ICE1: variants seen among roughly 807,000 people sequenced by gnomAD.
ICE1 encodes the protein little elongation complex subunit 1.
A neutral mutation model predicts 192.7 loss-of-function variants in ICE1; 64 were observed. The observed-to-expected ratio is 0.33, with a 90% confidence interval of 0.27 to 0.41. The LOEUF is 0.41. Among genes scored for constraint, ICE1 ranks in the 10% least tolerant of loss-of-function variants. ICE1 has a pLI of 1.00. For synonymous variants in ICE1, 1,010 were observed against 984.5 expected (o/e 1.03, Z -0.49); for missense variants, 2,708 against 2,696.0 (o/e 1.00, Z -0.10).
At chr5:5,446,700 T>TA (rs921349117) in intron 7 of ICE1, among the ~76,000 whole-genome samples, 41 of 152,196 alleles carry the variant, frequency 2.7e-4, no homozygotes, top group African/African-American at 8.2e-4. Flanking sequence ...GTTTTTCTAG[T>TA]AAAAAAAATT....
chr5:5,468,972 T>C lies in ICE1; in HGVS notation c.6206T>C (p.Phe2069Ser). The C allele has an allele frequency of 6.6e-7, 1 of 1,512,498 alleles. No homozygotes were observed. The highest frequency in any genetic ancestry group is 8.8e-7 in the Non-Finnish European group (1 of 1,133,950). The allele number at this position is 1,512,498 out of a possible 1,614,324, so 93.7% of individuals were successfully genotyped here. A position where few individuals can be genotyped will look rare whatever the true frequency, so the allele number is the denominator to read the frequency against. ...KGEVLNCLRA[F>S]LNWEKNAPVD... is the part of the protein sequence containing the mutation. ...GAGGTTCTGAACTGCTTGAGAGCTT[T>C]TCTTAATTGGGAAAAGGTGAGCCAT... Residue 2069 changes from phenylalanine (F) to serine (S), a missense_variant, in exon 15 of 19, where the codon TTT becomes TCT. Around this residue, in one of 2 missense-constraint regions of ICE1, gnomAD observed 342 missense variants for 419.3 expected, o/e 0.82. Coordinates refer to ENST00000296564, the MANE Select transcript of ICE1 (RefSeq NM_015325.3).
intron 17 of ICE1, among the ~76,000 whole-genome samples, chr5:5,478,259 AAGT>A (rs1473019297): frequency 6.6e-6 from 1 of 152,234 alleles, no homozygotes; most frequent in African/African-American, 2.4e-5. Flanking sequence ...AGCTTCAGCA[AAGT>A]CTCAGGATAC....
intron 10 of ICE1, 41 bp from the exon 11 acceptor site, chr5:5,454,510 GA>G: frequency 7.0e-7 from 1 of 1,424,430 alleles, no homozygotes. Flanking sequence ...TGTGTACGGT[GA>G]GCCAAATGAC....
chr5:5,489,011 G>A, intron 18 of ICE1, 138 bp from the exon 19 acceptor site: 1 of 742,064 alleles, frequency 1.3e-6, no homozygotes, highest in East Asian at 2.8e-5. Context: ...TTTTTTTACT[G>A]TGGGTTTTTT....
intron 17 of ICE1, among the ~76,000 whole-genome samples, chr5:5,480,951 A>G (rs554660101): frequency 2.0e-5 from 3 of 152,312 alleles, no homozygotes; most frequent in East Asian, 3.9e-4. Context: ...TACAGGTTCA[A>G]AACTGTTTTG....
intron 10 of ICE1, 79 bp downstream of exon 10, chr5:5,447,976 T>TCAAA: frequency 8.7e-7 from 1 of 1,148,830 alleles, no homozygotes; most frequent in Non-Finnish European, 1.3e-6. Context: ...CTCCTACATA[T>TCAAA]AATTGTGAAA....
At chr5:5,487,421 C>T (rs1739664967) in intron 18 of ICE1, among the ~76,000 whole-genome samples, 1 of 152,124 alleles carries the variant, frequency 6.6e-6, no homozygotes, top group African/African-American at 2.4e-5. Flanking sequence ...AGGAATAATA[C>T]AGTTAAGCAA....
In ICE1 at chr5:5,463,885, T is replaced by A; in HGVS notation, c.4551T>A (p.Pro1517=). ...KSRLRNRPVK[P]SIWISSQIYD... ...GTTTGCGAAATAGACCCGTTAAGCCTAGTATATGGATTAGTTCTCAAATCT... is the reference window on the plus strand; with the variant it reads ...GTTTGCGAAATAGACCCGTTAAGCCAAGTATATGGATTAGTTCTCAAATCT... The change falls in exon 13 of 19, where the codon CCT becomes CCA. Residue 1517 remains proline, a synonymous_variant. Coordinates refer to ENST00000296564, the MANE Select transcript of ICE1 (RefSeq NM_015325.3). The A allele has an allele frequency of 1.2e-6, 2 of 1,613,890 alleles. No individual in the cohort carries two copies. The highest frequency in any genetic ancestry group is 8.5e-7 in the Non-Finnish European group (1 of 1,179,792).
At position 5,466,239 on chromosome 5, in the gene ICE1, A is replaced by G. The variant is rs541235062; in HGVS notation, c.5893-95A>G. ...ATGTAGCGCAAGTTTTATTTTTTCA[A>G]TAGATACTTAAGTTTTGTAACTTTT... On this transcript the variant is annotated intron_variant, in intron 13 of 18. Transcript: ENST00000296564. 13 of 1,130,322 alleles carry G rather than the reference A, an allele frequency of 1.2e-5. No individual in the cohort carries two copies. In the South Asian group the frequency reaches 1.5e-4, roughly 13 times the overall value. 70.0% of individuals were successfully genotyped at this position (1,130,322 alleles called of 1,614,324 possible).
At chr5:5,460,315 C>A in intron 12 of ICE1, 121 bp from the exon 13 acceptor site, 2 of 740,042 alleles carry the variant, frequency 2.7e-6, no homozygotes, top group Non-Finnish European at 4.3e-6. Flanking sequence ...CCTGCCCCTG[C>A]TCAAACGTGA....
chr5:5,447,293 T>G, intron 7 of ICE1, 134 bp from the exon 8 acceptor site: 1 of 644,188 alleles, frequency 1.6e-6, no homozygotes, highest in Non-Finnish European at 2.7e-6. Flanking sequence ...AGCAATGGCT[T>G]TTTACGAAAT....
chr5:5,425,128 A>G (rs1737482898), intron 1 of ICE1, among the ~76,000 whole-genome samples: 1 of 152,182 alleles, frequency 6.6e-6, no homozygotes, highest in African/African-American at 2.4e-5. Context: ...CCAGTTTATC[A>G]GATTGTGTCC....
chr5:5,442,039 G>A (rs573789690), intron 5 of ICE1, among the ~76,000 whole-genome samples: 57 of 152,188 alleles, frequency 3.7e-4, no homozygotes, highest in Non-Finnish European at 5.4e-4. Flanking sequence ...ATGAAAATAC[G>A]TATGTCTTTT....
intron 1 of ICE1, among the ~76,000 whole-genome samples, chr5:5,428,451 T>C (rs1239388424): frequency 6.6e-6 from 1 of 152,204 alleles, no homozygotes; most frequent in Non-Finnish European, 1.5e-5. Context: ...ATGTGAGTAG[T>C]GTGATTTTTA....
At chr5:5,432,929 A>G (rs1737764018) in intron 1 of ICE1, among the ~76,000 whole-genome samples, 2 of 152,140 alleles carry the variant, frequency 1.3e-5, no homozygotes, top group Admixed American at 6.5e-5. Flanking sequence ...AGTCCTTGCA[A>G]AGAGCGAGTA....
intron 1 of ICE1, among the ~76,000 whole-genome samples, chr5:5,431,760 A>T (rs1173378440): frequency 6.6e-6 from 1 of 151,948 alleles, no homozygotes. Context: ...TTTGAATCCT[A>T]TTGAAGTCCA....
chr5:5,472,571 C>T (rs1739191117), intron 15 of ICE1, among the ~76,000 whole-genome samples: 1 of 152,174 alleles, frequency 6.6e-6, no homozygotes, highest in South Asian at 2.1e-4. Flanking sequence ...ATTTACCATT[C>T]TGGCTGAGTT....
chr5:5,465,589 C>T (rs1192811632), intron 13 of ICE1, among the ~76,000 whole-genome samples: 1 of 152,012 alleles, frequency 6.6e-6, no homozygotes, highest in Non-Finnish European at 1.5e-5. Flanking sequence ...TGTTACAAAT[C>T]AAACAGGAGC....
rs1367396152 is a variant in ICE1, at chr5:5,462,112, A to G, written c.2778A>G (p.Pro926=). 5 of 1,613,876 alleles carry G rather than the reference A, an allele frequency of 3.1e-6. No homozygotes were observed. The highest frequency in any genetic ancestry group is 4.2e-6 in the Non-Finnish European group (5 of 1,179,770). The change falls in exon 13 of 19, where the codon CCA becomes CCG. Residue 926 remains proline, a synonymous_variant. Coordinates refer to ENST00000296564, the MANE Select transcript of ICE1 (RefSeq NM_015325.3). ...TGGCTGCTGTGAAAAGCATTTCACCAGAAGTTTCTGCCTCTAGGAGAAAAT... is the reference window on the plus strand; with the variant it reads ...TGGCTGCTGTGAAAAGCATTTCACCGGAAGTTTCTGCCTCTAGGAGAAAAT... ...TEVAAVKSIS[P]EVSASRRKLD... is the part of the protein sequence containing the mutation.
Sources: allele counts gnomAD v4.1 joint callset (sites outside exome capture counted in the v4.1 genomes callset), GRCh38; gene constraint gnomAD v4.1.1; regional missense constraint gnomAD v4.1.1; transcripts MANE v1.5; gene names NCBI Gene and HGNC (gene_info 2026-07-23, HGNC 2026-07-21).